Variants in MAPKAP1 observed in about 807,000 individuals in gnomAD.
MAPKAP1 encodes target of rapamycin complex 2 subunit MAPKAP1.
MAPKAP1 carries 20 observed loss-of-function variants against 65.7 expected under a neutral mutation model. The observed-to-expected ratio is 0.30, with a 90% CI of 0.21 to 0.44. MAPKAP1 has a LOEUF of 0.44. MAPKAP1 is among the 20% of genes least tolerant of loss of function. The pLI is 1.00. For missense variants in MAPKAP1, 423 were observed against 648.0 expected (o/e 0.65, Z 3.77); for synonymous variants, 222 against 244.3 (o/e 0.91, Z 0.85).
At chr9:125,647,692 A>G (rs1833769029) in intron 4 of MAPKAP1, among the ~76,000 whole-genome samples, 1 of 152,200 alleles carries the variant, frequency 6.6e-6, no homozygotes, top group Non-Finnish European at 1.5e-5. Flanking sequence ...TTGTCTTTTA[A>G]GTTCCCCAAG....
intron 1 of MAPKAP1, chr9:125,696,166 T>C (rs1300162657): frequency 1.3e-5 from 2 of 151,948 alleles, no homozygotes; most frequent in South Asian, 2.1e-4. Context: ...TCTCACAAAA[T>C]AAAATAAGTG....
intron 1 of MAPKAP1, among the ~76,000 whole-genome samples, chr9:125,691,662 A>G (rs968279319): frequency 2.0e-5 from 3 of 152,212 alleles, no homozygotes; most frequent in Non-Finnish European, 4.4e-5. Flanking sequence ...AGCCTGAAGG[A>G]AAAACAAAAA....
chr9:125,541,537 A>G (rs1017592550), intron 7 of MAPKAP1, among the ~76,000 whole-genome samples: 6 of 152,236 alleles, frequency 3.9e-5, no homozygotes, highest in African/African-American at 1.4e-4. Context: ...TGCCTACTAA[A>G]TATCTTTGAT....
intron 8 of MAPKAP1, 76 bp downstream of exon 8, chr9:125,506,234 G>A (rs1413672963): frequency 2.4e-6 from 3 of 1,252,716 alleles, no homozygotes; most frequent in African/African-American, 1.5e-5. Flanking sequence ...CCAGACCAGT[G>A]AGCGTTTCCA....
chr9:125,627,541 A>G (rs1294859008), intron 4 of MAPKAP1, among the ~76,000 whole-genome samples: 1 of 152,166 alleles, frequency 6.6e-6, no homozygotes, highest in African/African-American at 2.4e-5. Flanking sequence ...AAAGGGAACC[A>G]CTGGAACCGG....
Position 125,585,731 on chromosome 9 carries a change from T to A in MAPKAP1, c.499-4A>T. Reference sequence around the variant, plus strand: ...TTGCTGTTGTACCTACATGACCCTGTGGACAGAACAAACACGTGAGAGCAA... The same window carrying A: ...TTGCTGTTGTACCTACATGACCCTGAGGACAGAACAAACACGTGAGAGCAA... On this transcript the variant is annotated splice_polypyrimidine_tract_variant and splice_region_variant and intron_variant, in intron 4 of 11. Transcript: ENST00000265960. 1 of 1,613,650 alleles carries A rather than the reference T, an allele frequency of 6.2e-7. No homozygotes were observed. Among genetic ancestry groups the A allele is most frequent in the Non-Finnish European group, 8.5e-7 (1 of 1,179,634 alleles).
Position 125,704,870 on chromosome 9 carries a change from A to C in MAPKAP1, c.-70+2101T>G, listed in dbSNP as rs556461731. On this transcript the variant is annotated intron_variant, in intron 1 of 11. Coordinates refer to ENST00000265960, the MANE Select transcript of MAPKAP1 (RefSeq NM_001006617.3). ...GGCCCTTTATCCCCATTAGTTCAAT[A>C]AATATTCACAACACTCCATGTGGTC... Among the ~76,000 whole-genome samples, 9 of 152,306 alleles carry C rather than the reference A, an allele frequency of 5.9e-5. No individual in the cohort carries two copies. In the South Asian group the frequency reaches 1.9e-3, roughly 32 times the overall value.
chr9:125,497,688 G>C, intron 8 of MAPKAP1, among the ~76,000 whole-genome samples: 1 of 152,204 alleles, frequency 6.6e-6, no homozygotes, highest in East Asian at 1.9e-4. Flanking sequence ...TTCACCCAAG[G>C]TCTGCCTGAT....
intron 1 of MAPKAP1, among the ~76,000 whole-genome samples, chr9:125,697,907 A>G (rs1157713914): frequency 6.6e-6 from 1 of 152,056 alleles, no homozygotes; most frequent in Non-Finnish European, 1.5e-5. Context: ...ATAACACTAT[A>G]CCTATAATCA....
At chr9:125,579,485 G>A (rs1333414904) in intron 5 of MAPKAP1, among the ~76,000 whole-genome samples, 4 of 152,156 alleles carry the variant, frequency 2.6e-5, no homozygotes, top group African/African-American at 9.7e-5. Flanking sequence ...TAGAGATGGG[G>A]TTTCACCATG....
chr9:125,535,318 C>T (rs935797627), intron 7 of MAPKAP1, among the ~76,000 whole-genome samples: 1 of 152,214 alleles, frequency 6.6e-6, no homozygotes, highest in Non-Finnish European at 1.5e-5. Context: ...CCCTACCCAA[C>T]CCAGTAGTTT....
chr9:125,506,594 A>G (rs1829149108), intron 7 of MAPKAP1, among the ~76,000 whole-genome samples, 177 bp from the exon 8 acceptor site: 1 of 152,236 alleles, frequency 6.6e-6, no homozygotes, highest in Non-Finnish European at 1.5e-5. Context: ...AAGGCTTCAC[A>G]TTCTTCACTG....
At chr9:125,582,537 C>G (rs1206611336) in intron 5 of MAPKAP1, among the ~76,000 whole-genome samples, 3 of 152,166 alleles carry the variant, frequency 2.0e-5, no homozygotes, top group Non-Finnish European at 4.4e-5. Context: ...GCCTCCAGAC[C>G]AGAACCAGGT....
intron 8 of MAPKAP1, among the ~76,000 whole-genome samples, chr9:125,490,820 A>T (rs1465211582): frequency 1.3e-5 from 2 of 152,082 alleles, no homozygotes; most frequent in Admixed American, 1.3e-4. Context: ...AATATAATAA[A>T]ATAATGACAC....
At chr9:125,555,882 T>C (rs1033066985) in intron 6 of MAPKAP1, among the ~76,000 whole-genome samples, 2 of 152,210 alleles carry the variant, frequency 1.3e-5, no homozygotes, top group Non-Finnish European at 2.9e-5. Context: ...AATGTCCACC[T>C]AAACACTACC....
At chr9:125,646,591 A>T (rs1833731835) in intron 4 of MAPKAP1, among the ~76,000 whole-genome samples, 1 of 152,234 alleles carries the variant, frequency 6.6e-6, no homozygotes, top group African/African-American at 2.4e-5. Context: ...CATAGGCTAG[A>T]TTTTATGAAT....
chr9:125,698,866 A>G (rs1323581007), intron 1 of MAPKAP1, among the ~76,000 whole-genome samples: 3 of 152,198 alleles, frequency 2.0e-5, no homozygotes, highest in African/African-American at 7.2e-5. Flanking sequence ...TCAATACAGT[A>G]TGTAGGTGCA....
intron 10 of MAPKAP1, among the ~76,000 whole-genome samples, chr9:125,458,471 G>A (rs1006237498): frequency 5.9e-4 from 90 of 152,018 alleles, no homozygotes; most frequent in African/African-American, 2.0e-3. Context: ...ATCTTGCACC[G>A]CCCTTAATCC....
At chr9:125,637,296 TA>T (rs1022726408) in intron 4 of MAPKAP1, among the ~76,000 whole-genome samples, 10 of 150,960 alleles carry the variant, frequency 6.6e-5, no homozygotes, top group South Asian at 4.2e-4. Context: ...AAAATAAAAA[TA>T]AAAAAAGTAT....
Sources: gnomAD v4.1 joint callset for allele counts (sites outside exome capture counted in the v4.1 genomes callset) on GRCh38, gnomAD v4.1.1 for gene constraint, MANE v1.5 for transcripts, NCBI Gene and HGNC (gene_info 2026-07-23, HGNC 2026-07-21) for gene names.